The following EPHB1 variants were observed in gnomAD, a reference collection of about 807,000 sequenced individuals.
EPHB1 encodes ephrin type-B receptor 1.
In EPHB1, 30 loss-of-function variants were observed where a neutral mutation model predicts 94.4. The observed-to-expected ratio is 0.32, with a 90% confidence interval of 0.24 to 0.43. The LOEUF (loss-of-function observed/expected upper bound fraction) is 0.43, where lower values mean the gene tolerates loss of function less well. Ranked by LOEUF, EPHB1 falls within the 20% of genes least tolerant of loss-of-function variation. EPHB1 has a pLI of 1.00. For missense variants in EPHB1, 1,055 were observed against 1,308.3 expected, an observed-to-expected ratio of 0.81 and a Z score of 2.99; for synonymous variants, 522 against 489.1, an observed-to-expected ratio of 1.07 and a Z score of -0.89.
intron 1 of EPHB1, among the ~76,000 whole-genome samples, chr3:134,820,619 T>C (rs2036362205): frequency 1.3e-5 from 2 of 152,188 alleles, no homozygotes. Flanking sequence ...CTCAAGCAAT[T>C]CTTTCACAGC....
At chr3:134,954,552 G>T (rs9825380) in intron 3 of EPHB1, among the ~76,000 whole-genome samples, 75,474 of 151,886 alleles carry the variant, frequency 0.5, 19,627 homozygotes, top group African/African-American at 0.64. Context: ...CTTCAACAAC[G>T]AACTCTCTCC....
intron 7 of EPHB1, among the ~76,000 whole-genome samples, chr3:135,163,376 A>G (rs1436773547): frequency 6.6e-6 from 1 of 152,162 alleles, no homozygotes; most frequent in East Asian, 1.9e-4. Flanking sequence ...TCTAACCTGG[A>G]TACTTTGATG....
At position 135,031,095 on chromosome 3, in the gene EPHB1, G is replaced by A. The variant is rs1338876858; in HGVS notation, c.806-75353G>A. Among the ~76,000 whole-genome samples the A allele has an allele frequency of 9.9e-5, 15 of 152,234 alleles. No individual in the cohort carries two copies. The East Asian group carries it at 1.7e-3, about 18-fold the overall frequency. ...CCCTGCTTTGGCTCGTGCACGGTGC[G>A]CGCACCCACTGACCTGCGCCCACTG... On this transcript the variant is annotated intron_variant, in intron 3 of 15. Coordinates refer to ENST00000398015, the MANE Select transcript of EPHB1 (RefSeq NM_004441.5).
intron 15 of EPHB1, among the ~76,000 whole-genome samples, chr3:135,252,350 T>G (rs12488701): frequency 0.6 from 79,417 of 132,972 alleles, 24,836 homozygotes; most frequent in East Asian, 0.68. Flanking sequence ...TATCTCCCAA[T>G]GCTATCCCTC....
intron 12 of EPHB1, among the ~76,000 whole-genome samples, chr3:135,239,833 T>C (rs994328187): frequency 1.3e-5 from 2 of 152,186 alleles, no homozygotes; most frequent in African/African-American, 4.8e-5. Context: ...TGCCTGGACT[T>C]CCCTCCTCCA....
chr3:135,172,880 T>A (rs903234584), intron 9 of EPHB1, among the ~76,000 whole-genome samples: 2 of 152,200 alleles, frequency 1.3e-5, no homozygotes, highest in African/African-American at 4.8e-5. Context: ...CCGTGTTAAC[T>A]CTTTTGGTCC....
intron 13 of EPHB1, among the ~76,000 whole-genome samples, chr3:135,242,097 A>ATAAG (rs1466180007): frequency 6.6e-6 from 1 of 152,212 alleles, no homozygotes; most frequent in Non-Finnish European, 1.5e-5. Flanking sequence ...ATTTGCTTTG[A>ATAAG]TAAGTCTCCA....
chr3:135,124,216 T>C (rs552493499), intron 4 of EPHB1, among the ~76,000 whole-genome samples: 2 of 151,726 alleles, frequency 1.3e-5, no homozygotes, highest in Non-Finnish European at 2.9e-5. Context: ...TCCCTCTAGA[T>C]ATTTGCATTG....
chr3:135,129,384 C>A (rs2107685984), intron 4 of EPHB1, among the ~76,000 whole-genome samples: 1 of 152,236 alleles, frequency 6.6e-6, no homozygotes, highest in South Asian at 2.1e-4. Context: ...TCACCAAAGC[C>A]TCTGCCACTC....
chr3:135,248,567 G>A, intron 14 of EPHB1, 58 bp downstream of exon 14: 1 of 1,478,092 alleles, frequency 6.8e-7, no homozygotes. Context: ...CAGGGGCATA[G>A]CCAGCAGCCT....
chr3:135,218,359 A>G (rs772389755), intron 12 of EPHB1, among the ~76,000 whole-genome samples: 3 of 152,178 alleles, frequency 2.0e-5, no homozygotes, highest in Non-Finnish European at 4.4e-5. Context: ...TTTGTTACCA[A>G]TGCTCAGTTA....
At chr3:135,162,447 C>T (rs962752932) in intron 7 of EPHB1, among the ~76,000 whole-genome samples, 1 of 152,212 alleles carries the variant, frequency 6.6e-6, no homozygotes, top group Admixed American at 6.5e-5. Context: ...ATACCTGTCT[C>T]ATGGAGCCAG....
intron 12 of EPHB1, among the ~76,000 whole-genome samples, chr3:135,230,049 C>G (rs1011649022): frequency 6.6e-6 from 1 of 152,122 alleles, no homozygotes; most frequent in Non-Finnish European, 1.5e-5. Flanking sequence ...TTAGGATGAG[C>G]CTGGGGCTGA....
intron 3 of EPHB1, among the ~76,000 whole-genome samples, chr3:135,079,087 A>C (rs75558894): frequency 1.0e-5 from 1 of 97,962 alleles, no homozygotes; most frequent in Non-Finnish European, 1.8e-5. Context: ...AAAAACAAGC[A>C]AAAAAAAAAC....
chr3:134,986,711 A>ACACACACACACAC (rs138369571), intron 3 of EPHB1, among the ~76,000 whole-genome samples: 1 of 145,628 alleles, frequency 6.9e-6, no homozygotes, highest in Non-Finnish European at 1.5e-5. Context: ...TAAAGATATT[A>ACACACACACACAC]ACACACACAC....
intron 10 of EPHB1, among the ~76,000 whole-genome samples, chr3:135,187,099 C>T (rs965256139): frequency 6.6e-6 from 1 of 152,070 alleles, no homozygotes; most frequent in African/African-American, 2.4e-5. Flanking sequence ...GCACATTGGC[C>T]ACTAGACTGA....
chr3:135,154,729 T>TA (rs1381113024), intron 6 of EPHB1, among the ~76,000 whole-genome samples: 3 of 152,110 alleles, frequency 2.0e-5, no homozygotes, highest in East Asian at 1.9e-4. Context: ...TTGTGGAGGA[T>TA]AAAAAAACAT....
chr3:134,960,437 C>G (rs1238849650), intron 3 of EPHB1, among the ~76,000 whole-genome samples: 1 of 152,148 alleles, frequency 6.6e-6, no homozygotes, highest in African/African-American at 2.4e-5. Flanking sequence ...GTTGAGCCCC[C>G]ATTTTTGTTT....
chr3:134,919,030 G>A (rs1455995563), intron 1 of EPHB1, among the ~76,000 whole-genome samples: 2 of 152,226 alleles, frequency 1.3e-5, no homozygotes, highest in East Asian at 1.9e-4. Context: ...CCAGTTACGA[G>A]GTGGTTGCTG....
Sources: gnomAD v4.1 joint callset for allele counts (sites outside exome capture counted in the v4.1 genomes callset) on GRCh38, gnomAD v4.1.1 for gene constraint, MANE v1.5 for transcripts, NCBI Gene and HGNC (gene_info 2026-07-23, HGNC 2026-07-21) for gene names.